DET1: variants seen among roughly 807,000 people sequenced by gnomAD.
DET1 encodes the protein DET1 partner of COP1 E3 ubiquitin ligase.
Under a neutral mutation model 43.7 loss-of-function variants are expected in DET1, and 22 were observed. The observed-to-expected ratio is 0.50, with a 90% CI of 0.36 to 0.72. The LOEUF is 0.72. DET1 is among the 30% of genes least tolerant of loss of function. The pLI is 0.00. For missense variants in DET1, 713 were observed against 713.3 expected (o/e 1.00, Z 0.00); for synonymous variants, 315 against 266.2 (o/e 1.18, Z -1.79).
intron 8 of DET1, chr15:88,502,157 A>G (rs529247409): frequency 1.6e-4 from 24 of 152,336 alleles, no homozygotes; most frequent in African/African-American, 5.3e-4. Flanking sequence ...TCCTTAAGAC[A>G]GATTTCAAAC....
intron 3 of DET1, among the ~76,000 whole-genome samples, chr15:88,524,883 T>C (rs1261357246): frequency 1.3e-5 from 2 of 152,098 alleles, no homozygotes; most frequent in Non-Finnish European, 2.9e-5. Flanking sequence ...TGACCTTCCC[T>C]CCACTATTGT....
chr15:88,524,965 T>A (rs538382736), intron 3 of DET1, among the ~76,000 whole-genome samples: 28 of 152,178 alleles, frequency 1.8e-4, no homozygotes, highest in South Asian at 6.2e-4. Flanking sequence ...TAAAAAAAAA[T>A]TTTTCAATGT....
intron 3 of DET1, among the ~76,000 whole-genome samples, chr15:88,520,580 C>T (rs139596198): frequency 1.4e-3 from 208 of 152,334 alleles, no homozygotes; most frequent in African/African-American, 4.6e-3. Context: ...AGTTTAATGG[C>T]AACTCTCTCT....
At chr15:88,537,281 C>T (rs1229127202) in intron 1 of DET1, among the ~76,000 whole-genome samples, 2 of 152,174 alleles carry the variant, frequency 1.3e-5, no homozygotes, top group Admixed American at 1.3e-4. Context: ...TGAGTAAAGA[C>T]ATAAAATGTA....
intron 3 of DET1, among the ~76,000 whole-genome samples, chr15:88,523,373 G>C (rs1448407942): frequency 6.6e-6 from 1 of 151,934 alleles, no homozygotes; most frequent in Non-Finnish European, 1.5e-5. Flanking sequence ...TTAGCATTTA[G>C]AACCATGTGT....
intron 1 of DET1, among the ~76,000 whole-genome samples, chr15:88,539,393 T>C (rs7177249): frequency 0.71 from 105,056 of 147,050 alleles, 37,762 homozygotes; most frequent in African/African-American, 0.84. Flanking sequence ...TCAGGGGAAG[T>C]GACCAGGTGG....
intron 1 of DET1, among the ~76,000 whole-genome samples, chr15:88,539,735 T>C (rs2057053890): frequency 6.6e-6 from 1 of 152,138 alleles, no homozygotes; most frequent in African/African-American, 2.4e-5. Flanking sequence ...AGTAAGGTGT[T>C]GTTACAGGAA....
intron 3 of DET1, among the ~76,000 whole-genome samples, chr15:88,525,475 T>C (rs1360039477): frequency 1.3e-5 from 2 of 152,094 alleles, no homozygotes; most frequent in Non-Finnish European, 2.9e-5. Context: ...GAAAACAGAG[T>C]TCCTTCTAAT....
intron 1 of DET1, among the ~76,000 whole-genome samples, chr15:88,545,602 A>T (rs1318416621): frequency 2.0e-5 from 3 of 152,042 alleles, no homozygotes; most frequent in Non-Finnish European, 4.4e-5. Context: ...TTGTATATTA[A>T]ATTGGTTTCT....
intron 1 of DET1, among the ~76,000 whole-genome samples, chr15:88,539,595 G>A (rs1312417845): frequency 6.6e-6 from 1 of 152,136 alleles, no homozygotes; most frequent in Non-Finnish European, 1.5e-5. Context: ...CAGGACGTCG[G>A]TATTGCCCAA....
chr15:88,528,360 AT>A (rs1427999930), intron 2 of DET1, among the ~76,000 whole-genome samples: 2 of 152,352 alleles, frequency 1.3e-5, no homozygotes, highest in East Asian at 3.9e-4. Flanking sequence ...CCTTAAGTAC[AT>A]CGAGTTCTAA....
chr15:88,536,099 G>C (rs1311091281), intron 1 of DET1, among the ~76,000 whole-genome samples: 1 of 152,196 alleles, frequency 6.6e-6, no homozygotes, highest in Non-Finnish European at 1.5e-5. Context: ...AATGTCTGTA[G>C]ATTTCTCATC....
downstream of DET1, chr15:88,511,495 G>T: frequency 1.0e-6 from 1 of 985,244 alleles, no homozygotes; most frequent in Non-Finnish European, 1.2e-6. Context: ...TCAACTCTTG[G>T]TCATACAACA....
At chr15:88,514,122 C>A (rs1044952537) in intron 4 of DET1, among the ~76,000 whole-genome samples, 2 of 152,088 alleles carry the variant, frequency 1.3e-5, no homozygotes, top group African/African-American at 4.8e-5. Context: ...TTAAAAGGTT[C>A]TTTTTCATGC....
At chr15:88,522,236 C>T (rs2056509986) in intron 3 of DET1, among the ~76,000 whole-genome samples, 1 of 152,186 alleles carries the variant, frequency 6.6e-6, no homozygotes, top group Non-Finnish European at 1.5e-5. Flanking sequence ...CAGGACAAGC[C>T]AGCTCCAGAA....
intron 4 of DET1, among the ~76,000 whole-genome samples, chr15:88,513,863 G>A (rs1322103028): frequency 1.5e-5 from 2 of 137,802 alleles, no homozygotes; most frequent in Non-Finnish European, 3.0e-5. Context: ...GCAGTGGCGC[G>A]ATCTCGGCTC....
At position 88,516,745 on chromosome 15, in the gene DET1, C is replaced by T. The variant is rs772973633; in HGVS notation, c.1463+37G>A. Reference sequence around the variant, plus strand: ...AAAAAGAAAGCAGGCCATCTTCAGCCCTTGAGCAGTTTGTAGCTATAGCAG... The same window carrying T: ...AAAAAGAAAGCAGGCCATCTTCAGCTCTTGAGCAGTTTGTAGCTATAGCAG... On this transcript the variant is annotated intron_variant, in intron 4 of 4. Coordinates refer to ENST00000268148, the MANE Select transcript of DET1 (RefSeq NM_001144074.3). This position sits in a 1 kb window ranked among gnomAD's most constrained non-coding sequence, Gnocchi z 4.4. 4 of 1,477,690 alleles carry T rather than the reference C, an allele frequency of 2.7e-6. No homozygotes were observed. The highest frequency in any genetic ancestry group is 2.7e-6 in the Non-Finnish European group (3 of 1,113,866). 91.5% of individuals were successfully genotyped at this position (1,477,690 alleles called of 1,614,324 possible).
chr15:88,530,479 G>A, intron 2 of DET1, 144 bp downstream of exon 2: 1 of 1,361,498 alleles, frequency 7.3e-7, no homozygotes, highest in Non-Finnish European at 9.7e-7. Flanking sequence ...GAAAAATGGA[G>A]CTGATTTTAA....
intron 2 of DET1, among the ~76,000 whole-genome samples, chr15:88,530,247 T>C (rs558776304): frequency 3.3e-5 from 5 of 152,320 alleles, no homozygotes; most frequent in Non-Finnish European, 1.5e-5. Context: ...CTCATTCTCA[T>C]TGCCAGAACT....
Sources: gnomAD v4.1 joint callset for allele counts (sites outside exome capture counted in the v4.1 genomes callset) on GRCh38, gnomAD v4.1.1 for gene constraint, Gnocchi (gnomAD v3.1) non-coding constraint, MANE v1.5 for transcripts, NCBI Gene and HGNC (gene_info 2026-07-23, HGNC 2026-07-21) for gene names.